The following EPHA6 variants were observed in gnomAD, a reference collection of about 807,000 sequenced individuals.
EPHA6 encodes the protein EPH receptor A6, also known as ephrin type-A receptor 6.
In EPHA6, 50 loss-of-function variants were observed where a neutral mutation model predicts 112.0. The observed-to-expected ratio is 0.45, with a 90% confidence interval of 0.36 to 0.56. EPHA6 has a LOEUF of 0.56. EPHA6 is among the 20% of genes least tolerant of loss of function. The pLI, the probability that EPHA6 is intolerant of heterozygous loss-of-function variation, is 0.00. For missense variants in EPHA6, 1,280 were observed against 1,417.4 expected (o/e 0.90, Z 1.56); for synonymous variants, 529 against 490.7 (o/e 1.08, Z -1.03).
chr3:97,516,473 A>G (rs2092450258), intron 10 of EPHA6, among the ~76,000 whole-genome samples: 1 of 152,228 alleles, frequency 6.6e-6, no homozygotes, highest in Admixed American at 6.5e-5. Flanking sequence ...GGTATGCTAT[A>G]TATCAGGAAG....
intron 14 of EPHA6, among the ~76,000 whole-genome samples, chr3:97,656,828 T>G (rs2094140456): frequency 6.6e-6 from 1 of 151,984 alleles, no homozygotes; most frequent in Non-Finnish European, 1.5e-5. Context: ...TATATTCATA[T>G]CATTCCCTGT....
chr3:97,662,299 G>C (rs185238603), intron 14 of EPHA6, among the ~76,000 whole-genome samples: 118 of 152,220 alleles, frequency 7.8e-4, no homozygotes, highest in Non-Finnish European at 1.0e-3. Context: ...AGACAATGAA[G>C]ATGAAACACG....
At chr3:97,214,715 T>G (rs2077985346) in intron 3 of EPHA6, among the ~76,000 whole-genome samples, 1 of 152,178 alleles carries the variant, frequency 6.6e-6, no homozygotes, top group Non-Finnish European at 1.5e-5. Context: ...GTAATTTGAT[T>G]ATTCTTAACT....
intron 3 of EPHA6, among the ~76,000 whole-genome samples, chr3:97,092,304 T>C (rs2047096861): frequency 6.6e-6 from 1 of 151,924 alleles, no homozygotes; most frequent in Admixed American, 6.6e-5. Flanking sequence ...ATAGAGAAGG[T>C]TGGAACGAGA....
At chr3:97,158,387 C>A (rs1261182394) in intron 3 of EPHA6, among the ~76,000 whole-genome samples, 1 of 152,184 alleles carries the variant, frequency 6.6e-6, no homozygotes, top group Non-Finnish European at 1.5e-5. Context: ...CTACCTTCTT[C>A]TACTACCTAT....
intron 3 of EPHA6, among the ~76,000 whole-genome samples, chr3:97,167,016 G>A (rs753541914): frequency 5.9e-5 from 9 of 152,056 alleles, no homozygotes; most frequent in Non-Finnish European, 1.2e-4. Context: ...AAGATACACC[G>A]TGGAATATTG....
intron 2 of EPHA6, among the ~76,000 whole-genome samples, chr3:96,947,515 G>A (rs2041329882): frequency 6.6e-6 from 1 of 151,984 alleles, no homozygotes; most frequent in Non-Finnish European, 1.5e-5. Context: ...ATTTCTGAGG[G>A]CTCTGTTCTG....
At chr3:97,744,582 G>A (rs567627112) in intron 16 of EPHA6, among the ~76,000 whole-genome samples, 3 of 152,086 alleles carry the variant, frequency 2.0e-5, no homozygotes, top group East Asian at 1.9e-4. Context: ...CTGAAGATGC[G>A]TGGAGAGAAA....
At chr3:96,858,186 A>G (rs1205712265) in intron 1 of EPHA6, among the ~76,000 whole-genome samples, 3 of 152,084 alleles carry the variant, frequency 2.0e-5, no homozygotes, top group East Asian at 1.9e-4. Flanking sequence ...ACAGCAAGCA[A>G]ATTTTTTTGT....
chr3:97,592,841 TG>T, intron 12 of EPHA6, 104 bp downstream of exon 12: 1 of 1,266,208 alleles, frequency 7.9e-7, no homozygotes, highest in East Asian at 2.8e-5. Flanking sequence ...AAATATATTG[TG>T]GAAAAGAAAT....
At chr3:97,119,287 A>C (rs1275136942) in intron 3 of EPHA6, among the ~76,000 whole-genome samples, 1 of 152,018 alleles carries the variant, frequency 6.6e-6, no homozygotes, top group African/African-American at 2.4e-5. Flanking sequence ...AATTCATCTT[A>C]CTTTACCAGG....
chr3:97,559,665 C>T (rs149307669), intron 11 of EPHA6: 2 of 455,002 alleles, frequency 4.4e-6, no homozygotes, highest in Admixed American at 2.4e-5. Flanking sequence ...AATCAAGGTA[C>T]CTGAAAAGCA....
At chr3:96,848,976 C>G (rs1454193522) in intron 1 of EPHA6, among the ~76,000 whole-genome samples, 1 of 152,030 alleles carries the variant, frequency 6.6e-6, no homozygotes, top group South Asian at 2.1e-4. Flanking sequence ...ACAGTAACTG[C>G]TTTTTTTCCA....
At chr3:97,689,262 A>G (rs1394492985) in intron 14 of EPHA6, among the ~76,000 whole-genome samples, 2 of 152,242 alleles carry the variant, frequency 1.3e-5, no homozygotes, top group African/African-American at 4.8e-5. Context: ...TCATTCAAAC[A>G]TCTGTGATGT....
At chr3:96,871,725 C>T (rs1482436069) in intron 2 of EPHA6, among the ~76,000 whole-genome samples, 1 of 151,962 alleles carries the variant, frequency 6.6e-6, no homozygotes, top group Non-Finnish European at 1.5e-5. Flanking sequence ...TATATGAACC[C>T]TCTTAGGATC....
chr3:96,977,816 A>G (rs2042593613), intron 2 of EPHA6, among the ~76,000 whole-genome samples: 1 of 152,188 alleles, frequency 6.6e-6, no homozygotes, highest in Admixed American at 6.6e-5. Context: ...TATGTTATAT[A>G]TTACACATAC....
At chr3:97,031,902 A>C (rs2044863665) in intron 3 of EPHA6, among the ~76,000 whole-genome samples, 1 of 152,168 alleles carries the variant, frequency 6.6e-6, no homozygotes, top group Admixed American at 6.5e-5. Flanking sequence ...TTCATCAGGA[A>C]TCTAGAACTA....
chr3:96,850,519 T>G (rs2107367422), intron 1 of EPHA6, among the ~76,000 whole-genome samples: 1 of 152,210 alleles, frequency 6.6e-6, no homozygotes, highest in African/African-American at 2.4e-5. Context: ...GGCACAAAAC[T>G]GGAATTTTCC....
chr3:97,618,086 C>A, intron 13 of EPHA6, among the ~76,000 whole-genome samples: 1 of 152,064 alleles, frequency 6.6e-6, no homozygotes, highest in Non-Finnish European at 1.5e-5. Context: ...TCTCTCAGAC[C>A]ACAGCACAAT....
Sources: allele counts gnomAD v4.1 joint callset (sites outside exome capture counted in the v4.1 genomes callset), GRCh38; gene constraint gnomAD v4.1.1; transcripts MANE v1.5; gene names NCBI Gene and HGNC (gene_info 2026-07-23, HGNC 2026-07-21).